Variants in DNM3 observed in about 807,000 individuals in gnomAD.
The protein encoded by DNM3 is dynamin 3.
A neutral mutation model predicts 101.6 loss-of-function variants in DNM3; 47 were observed. The ratio of observed to expected loss-of-function variants is 0.46; its 90% CI spans 0.37 to 0.59. The LOEUF is 0.59. Among genes scored for constraint, DNM3 ranks in the 20% least tolerant of loss-of-function variants. The pLI, the probability that DNM3 is intolerant of heterozygous loss-of-function variation, is 0.00. For synonymous variants in DNM3, 385 were observed against 387.9 expected, an observed-to-expected ratio of 0.99 and a Z score of 0.09; for missense variants, 849 against 1,085.7, an observed-to-expected ratio of 0.78 and a Z score of 3.06.
At chr1:171,875,437 T>A (rs1018351239) in intron 1 of DNM3, among the ~76,000 whole-genome samples, 1 of 152,002 alleles carries the variant, frequency 6.6e-6, no homozygotes, top group African/African-American at 2.4e-5. Context: ...TGTTGTACCT[T>A]TTTTTCTTTG....
At chr1:171,864,815 A>C (rs2034549087) in intron 1 of DNM3, 2 of 152,024 alleles carry the variant, frequency 1.3e-5, no homozygotes, top group Non-Finnish European at 2.9e-5. Context: ...TAATGCTTTA[A>C]TTTTCAGTTT....
intron 12 of DNM3, among the ~76,000 whole-genome samples, chr1:172,088,449 A>G (rs757405274): frequency 3.2e-4 from 48 of 152,078 alleles, no homozygotes; most frequent in Admixed American, 2.2e-3. Flanking sequence ...TGATCATGTC[A>G]CTTGCTGGCA....
downstream of DNM3, among the ~76,000 whole-genome samples, chr1:172,413,305 C>T (rs904872480): frequency 1.4e-4 from 21 of 152,276 alleles, no homozygotes; most frequent in East Asian, 1.5e-3. Context: ...CGGCTCACTG[C>T]AAGCTCCGCC....
chr1:172,176,814 A>G (rs997591284), intron 14 of DNM3, among the ~76,000 whole-genome samples: 1 of 151,902 alleles, frequency 6.6e-6, no homozygotes, highest in African/African-American at 2.4e-5. Context: ...GGGGAACCCC[A>G]GAAAGTTTTT....
At chr1:172,285,466 G>A (rs2148800120) in intron 15 of DNM3, among the ~76,000 whole-genome samples, 1 of 152,208 alleles carries the variant, frequency 6.6e-6, no homozygotes, top group East Asian at 1.9e-4. Context: ...CCCTGGGTGG[G>A]GCCAGGGGAC....
At chr1:172,219,141 C>A (rs545577842) in intron 14 of DNM3, among the ~76,000 whole-genome samples, 1 of 151,654 alleles carries the variant, frequency 6.6e-6, no homozygotes, top group South Asian at 2.1e-4. Flanking sequence ...TTGCTTGAGC[C>A]CAGGAATTCA....
At chr1:171,977,443 G>T (rs778167753) in intron 2 of DNM3, among the ~76,000 whole-genome samples, 6 of 152,090 alleles carry the variant, frequency 3.9e-5, no homozygotes, top group Non-Finnish European at 8.8e-5. Context: ...AGCAAGGGAA[G>T]AGACACAAGG....
At position 172,131,260 on chromosome 1, in the gene DNM3, A is replaced by T. The variant is rs1558617855; in HGVS notation, c.1631A>T (p.Glu544Val). The change falls in exon 14 of 21, where the codon GAA (glutamate) becomes GTA (valine). Residue 544 changes from glutamate to valine, a missense_variant. By Grantham distance (121) the Glu-to-Val change is moderately radical. This residue lies in a region of DNM3 where 193 missense variants were observed against 238.4 expected (regional missense o/e 0.81). Transcript: ENST00000627582. ...GGATACTGGTTCGTCCTTACTGCGG[A>T]AAGCTTGTCCTGGTATAAAGATGAT... ...SKGYWFVLTA[E>V]SLSWYKDDEE... The T allele has an allele frequency of 6.2e-7, 1 of 1,613,186 alleles. No individual in the cohort carries two copies. Among genetic ancestry groups the T allele is most frequent in the Non-Finnish European group, 8.5e-7 (1 of 1,179,456 alleles).
intron 1 of DNM3, among the ~76,000 whole-genome samples, chr1:171,857,571 A>C (rs1362588389): frequency 6.6e-6 from 1 of 152,162 alleles, no homozygotes; most frequent in Non-Finnish European, 1.5e-5. Flanking sequence ...CACTCTGTCT[A>C]TGCTGATTTT....
At chr1:172,158,260 G>T (rs1572762416) in intron 14 of DNM3, among the ~76,000 whole-genome samples, 1 of 152,016 alleles carries the variant, frequency 6.6e-6, no homozygotes, top group South Asian at 2.1e-4. Flanking sequence ...GGAAGAATAG[G>T]AGTAGATAAG....
intron 13 of DNM3, among the ~76,000 whole-genome samples, chr1:172,112,264 C>T (rs561792811): frequency 5.9e-5 from 9 of 152,280 alleles, no homozygotes; most frequent in East Asian, 3.9e-4. Flanking sequence ...TAGGTAGCAA[C>T]GGTTTCATGA....
At chr1:172,009,853 A>G (rs149618895) in intron 4 of DNM3, among the ~76,000 whole-genome samples, 2 of 151,836 alleles carry the variant, frequency 1.3e-5, no homozygotes, top group African/African-American at 4.8e-5. Flanking sequence ...TTTTAGGTCA[A>G]GTTTGTTGAT....
chr1:172,199,350 C>A (rs2060067871), intron 14 of DNM3, among the ~76,000 whole-genome samples: 1 of 151,860 alleles, frequency 6.6e-6, no homozygotes. Flanking sequence ...TTTTAGAGTA[C>A]ATGCCCTGTA....
intron 14 of DNM3, among the ~76,000 whole-genome samples, chr1:172,240,032 C>T (rs1299170593): frequency 6.6e-6 from 1 of 151,880 alleles, no homozygotes; most frequent in Admixed American, 6.6e-5. Flanking sequence ...GGAAGGGGCC[C>T]CCTTTTCCCT....
chr1:172,228,060 A>G (rs890089797), intron 14 of DNM3, among the ~76,000 whole-genome samples: 4 of 152,090 alleles, frequency 2.6e-5, no homozygotes, highest in African/African-American at 9.6e-5. Flanking sequence ...TCTGAGTATT[A>G]TGGCTATTAA....
chr1:172,156,672 C>A (rs74126017), intron 14 of DNM3, among the ~76,000 whole-genome samples: 4,000 of 152,042 alleles, frequency 0.026, 171 homozygotes, highest in African/African-American at 0.091. Flanking sequence ...AGCTAATTGC[C>A]TTAAATTCTT....
intron 13 of DNM3, among the ~76,000 whole-genome samples, chr1:172,099,048 A>G (rs2054451120): frequency 6.6e-6 from 1 of 152,190 alleles, no homozygotes; most frequent in South Asian, 2.1e-4. Context: ...CAGACAAATG[A>G]ATTGATATTC....
At chr1:172,157,634 T>A (rs2058390003) in intron 14 of DNM3, among the ~76,000 whole-genome samples, 1 of 152,102 alleles carries the variant, frequency 6.6e-6, no homozygotes, top group Non-Finnish European at 1.5e-5. Flanking sequence ...ACTGAACATG[T>A]ACAGGCTTTC....
intron 2 of DNM3, among the ~76,000 whole-genome samples, chr1:171,950,919 A>T (rs963700422): frequency 1.3e-5 from 2 of 151,778 alleles, no homozygotes; most frequent in African/African-American, 4.8e-5. Context: ...ATATGCAAAA[A>T]CTCCTCATCT....
Sources: allele counts gnomAD v4.1 joint callset (sites outside exome capture counted in the v4.1 genomes callset), GRCh38; gene constraint gnomAD v4.1.1; regional missense constraint gnomAD v4.1.1; transcripts MANE v1.5; gene names NCBI Gene and HGNC (gene_info 2026-07-23, HGNC 2026-07-21).